Variants in CACNB2 observed in about 807,000 individuals in gnomAD.
CACNB2 encodes the protein voltage-dependent L-type calcium channel subunit beta-2.
CACNB2 carries 42 observed loss-of-function variants against 73.3 expected under a neutral mutation model. That is an observed-to-expected ratio of 0.57 (90% confidence interval 0.45 to 0.74). The LOEUF is 0.74. Among genes scored for constraint, CACNB2 ranks in the 30% least tolerant of loss-of-function variants. The pLI is 0.00. For missense variants in CACNB2, 940 were observed against 853.0 expected (o/e 1.10, Z -1.27); for synonymous variants, 348 against 310.3 (o/e 1.12, Z -1.28).
intron 2 of CACNB2, among the ~76,000 whole-genome samples, chr10:18,299,656 A>G (rs1462057205): frequency 6.6e-6 from 1 of 152,172 alleles, no homozygotes; most frequent in African/African-American, 2.4e-5. Flanking sequence ...GGCTGCAGTA[A>G]GCAGTGATCG....
intron 2 of CACNB2, among the ~76,000 whole-genome samples, chr10:18,246,446 T>C (rs1433886287): frequency 6.6e-6 from 1 of 152,222 alleles, no homozygotes; most frequent in East Asian, 1.9e-4. Context: ...ACTTCCTCTG[T>C]TACATAAATG....
At chr10:18,324,850 C>A (rs866204668) in intron 2 of CACNB2, among the ~76,000 whole-genome samples, 5 of 152,166 alleles carry the variant, frequency 3.3e-5, no homozygotes, top group Admixed American at 6.5e-5. Context: ...AGCAACAGAG[C>A]GTGACTCCAT....
chr10:18,515,919 A>G (rs1385697115), intron 7 of CACNB2, among the ~76,000 whole-genome samples: 1 of 152,226 alleles, frequency 6.6e-6, no homozygotes, highest in African/African-American at 2.4e-5. Flanking sequence ...TTTTCACTAA[A>G]TAATTTGAGC....
intron 10 of CACNB2, among the ~76,000 whole-genome samples, chr10:18,530,301 C>T (rs552341912): frequency 2.4e-4 from 36 of 152,042 alleles, no homozygotes; most frequent in African/African-American, 8.7e-4. Flanking sequence ...TATTTTGGTG[C>T]CCAGGGACAC....
intron 1 of CACNB2, among the ~76,000 whole-genome samples, chr10:18,145,776 A>T (rs2030904851): frequency 6.6e-6 from 1 of 152,186 alleles, no homozygotes. Context: ...GCATTATTTC[A>T]CAACTGCAGA....
At chr10:18,188,125 A>C (rs2034234783) in intron 2 of CACNB2, among the ~76,000 whole-genome samples, 1 of 152,188 alleles carries the variant, frequency 6.6e-6, no homozygotes, top group South Asian at 2.1e-4. Context: ...TAAATCTTTT[A>C]AAATAGCTCT....
At chr10:18,150,020 C>T (rs577228503) in intron 1 of CACNB2, among the ~76,000 whole-genome samples, 1 of 152,252 alleles carries the variant, frequency 6.6e-6, no homozygotes, top group South Asian at 2.1e-4. Context: ...GGATTCTAAC[C>T]TGTGTGCTAC....
chr10:18,149,250 T>C (rs2031292626), intron 1 of CACNB2, among the ~76,000 whole-genome samples: 2 of 152,158 alleles, frequency 1.3e-5, no homozygotes, highest in Admixed American at 6.6e-5. Flanking sequence ...AAAATGCATC[T>C]GTCCAAACCT....
At chr10:18,472,159 A>T (rs189740681) in intron 3 of CACNB2, among the ~76,000 whole-genome samples, 1 of 149,378 alleles carries the variant, frequency 6.7e-6, no homozygotes, top group Admixed American at 6.7e-5. Flanking sequence ...CCCATGGTTG[A>T]CTAGCTGAAG....
At chr10:18,359,433 G>A (rs569610883) in intron 2 of CACNB2, among the ~76,000 whole-genome samples, 5 of 151,914 alleles carry the variant, frequency 3.3e-5, no homozygotes, top group Admixed American at 1.3e-4. Flanking sequence ...CACCATGCCC[G>A]GCTAATTTTT....
chr10:18,213,319 G>A (rs865859295), intron 2 of CACNB2, among the ~76,000 whole-genome samples: 1 of 152,158 alleles, frequency 6.6e-6, no homozygotes, highest in Non-Finnish European at 1.5e-5. Flanking sequence ...ACGTGGAACC[G>A]GTGATTTCTC....
intron 3 of CACNB2, among the ~76,000 whole-genome samples, chr10:18,404,518 C>A (rs1296373721): frequency 6.6e-6 from 1 of 152,186 alleles, no homozygotes; most frequent in African/African-American, 2.4e-5. Context: ...ACACTTTGCA[C>A]AGCCATTTTG....
intron 2 of CACNB2, among the ~76,000 whole-genome samples, chr10:18,323,805 A>G (rs1204563773): frequency 6.6e-6 from 1 of 152,190 alleles, no homozygotes; most frequent in East Asian, 1.9e-4. Flanking sequence ...AGATTTTCCT[A>G]TTTTCTCCAT....
intron 2 of CACNB2, among the ~76,000 whole-genome samples, chr10:18,271,833 T>C (rs1389083785): frequency 6.6e-6 from 1 of 152,192 alleles, no homozygotes; most frequent in Non-Finnish European, 1.5e-5. Flanking sequence ...AGTAGCTTTA[T>C]TTTTTGTTTA....
chr10:18,499,520 C>A (rs1328365644), intron 4 of CACNB2, among the ~76,000 whole-genome samples: 1 of 148,164 alleles, frequency 6.7e-6, no homozygotes, highest in African/African-American at 2.5e-5. Flanking sequence ...GAGGCTGAGG[C>A]AGAAGAATAG....
chr10:18,146,778 GC>G (rs1407777654), intron 1 of CACNB2, among the ~76,000 whole-genome samples: 1 of 152,082 alleles, frequency 6.6e-6, no homozygotes, highest in Non-Finnish European at 1.5e-5. Flanking sequence ...GAGCCACTGT[GC>G]CCAGCCTAAC....
intron 2 of CACNB2, among the ~76,000 whole-genome samples, chr10:18,291,020 T>G (rs1412271801): frequency 6.6e-6 from 1 of 152,210 alleles, no homozygotes; most frequent in Non-Finnish European, 1.5e-5. Flanking sequence ...CAAATGTCCC[T>G]GGTTGTTAGG....
At chr10:18,186,635 G>T (rs539483095) in intron 2 of CACNB2, among the ~76,000 whole-genome samples, 2 of 152,122 alleles carry the variant, frequency 1.3e-5, no homozygotes, top group East Asian at 3.9e-4. Context: ...AGAGAGGGTG[G>T]AGGGAGGTAT....
rs376542783 is a variant in CACNB2, at chr10:18,272,419, G to A, written c.213+121444G>A. Among the ~76,000 whole-genome samples, 7 of 152,276 alleles carry A rather than the reference G, an allele frequency of 4.6e-5. No individual in the cohort carries two copies. In the East Asian group the frequency reaches 7.7e-4, roughly 17 times the overall value. ...TACCCTCCAAAAAACTTCAGAGAGG[G>A]TGGATAATATAATTCGGTGGTACAT... On this transcript the variant is annotated intron_variant, in intron 2 of 13. Transcript: ENST00000324631.
Sources: allele counts gnomAD v4.1 joint callset (sites outside exome capture counted in the v4.1 genomes callset), GRCh38; gene constraint gnomAD v4.1.1; transcripts MANE v1.5; gene names NCBI Gene and HGNC (gene_info 2026-07-23, HGNC 2026-07-21).